VSNL1: variants seen among roughly 807,000 people sequenced by gnomAD.
The protein encoded by VSNL1 is visinin like 1, also known as visinin-like protein 1.
In VSNL1, 6 loss-of-function variants were observed where a neutral mutation model predicts 20.4. That is an observed-to-expected ratio of 0.29 (90% confidence interval 0.16 to 0.58). The LOEUF (loss-of-function observed/expected upper bound fraction) is 0.58. Among genes scored for constraint, VSNL1 ranks in the 20% least tolerant of loss-of-function variants. The pLI is 0.90. For synonymous variants in VSNL1, 93 were observed against 86.4 expected (o/e 1.08, Z -0.42); for missense variants, 100 against 234.5 (o/e 0.43, Z 3.75).
chr2:17,550,250 C>T (rs1430512517), intron 1 of VSNL1, among the ~76,000 whole-genome samples: 1 of 152,096 alleles, frequency 6.6e-6, no homozygotes, highest in Non-Finnish European at 1.5e-5. Context: ...TGTCTTCTCC[C>T]CACCCCTACT....
intron 1 of VSNL1, among the ~76,000 whole-genome samples, chr2:17,589,514 G>A (rs1448419506): frequency 2.0e-5 from 3 of 152,194 alleles, no homozygotes; most frequent in Non-Finnish European, 4.4e-5. Flanking sequence ...GAGGGCAGTG[G>A]CAATGCCATT....
chr2:17,627,711 A>C (rs1665543978), intron 2 of VSNL1, among the ~76,000 whole-genome samples: 1 of 152,208 alleles, frequency 6.6e-6, no homozygotes, highest in South Asian at 2.1e-4. Context: ...AGACATCTCA[A>C]AAAGCAGATC....
At chr2:17,650,088 A>G (rs952017426) in intron 3 of VSNL1, among the ~76,000 whole-genome samples, 99 of 152,136 alleles carry the variant, frequency 6.5e-4, no homozygotes, top group Admixed American at 6.5e-3. Context: ...CACGCCACCC[A>G]CTGCGTACTG....
intron 1 of VSNL1, among the ~76,000 whole-genome samples, chr2:17,582,474 C>T (rs537391695): frequency 6.6e-6 from 1 of 152,228 alleles, no homozygotes; most frequent in South Asian, 2.1e-4. Flanking sequence ...TATTGTACTA[C>T]TCAAAGTGAT....
At chr2:17,647,180 G>T (rs1347182659) in intron 2 of VSNL1, among the ~76,000 whole-genome samples, 2 of 152,090 alleles carry the variant, frequency 1.3e-5, no homozygotes, top group East Asian at 3.8e-4. Flanking sequence ...GACCCAAGGT[G>T]CCCAGTTATT....
chr2:17,607,753 TAAC>T (rs1407840428), intron 2 of VSNL1, among the ~76,000 whole-genome samples: 1 of 152,122 alleles, frequency 6.6e-6, no homozygotes, highest in African/African-American at 2.4e-5. Context: ...AATAATAAAT[TAAC>T]AAATGAATAA....
intron 2 of VSNL1, among the ~76,000 whole-genome samples, chr2:17,611,439 G>T (rs1665084088): frequency 6.6e-6 from 1 of 152,238 alleles, no homozygotes; most frequent in Admixed American, 6.5e-5. Context: ...GGGTGTCAGT[G>T]ATTATGCTGA....
At chr2:17,627,655 A>G (rs1665542843) in intron 2 of VSNL1, among the ~76,000 whole-genome samples, 1 of 152,206 alleles carries the variant, frequency 6.6e-6, no homozygotes, top group African/African-American at 2.4e-5. Context: ...ACTGGTTGGC[A>G]GGTCCAGGTG....
intron 2 of VSNL1, among the ~76,000 whole-genome samples, chr2:17,646,811 CAGG>C (rs1408131344): frequency 2.0e-5 from 3 of 152,136 alleles, no homozygotes; most frequent in African/African-American, 7.2e-5. Context: ...TGTTGTCCTC[CAGG>C]AGAAGTAAAT....
intron 2 of VSNL1, among the ~76,000 whole-genome samples, chr2:17,632,248 T>C (rs1421019287): frequency 6.6e-6 from 1 of 152,168 alleles, no homozygotes; most frequent in Non-Finnish European, 1.5e-5. Context: ...ACACATTGAA[T>C]CAATGAACTC....
intron 2 of VSNL1, among the ~76,000 whole-genome samples, chr2:17,612,196 G>T (rs1425892829): frequency 2.6e-5 from 4 of 152,146 alleles, no homozygotes; most frequent in South Asian, 2.1e-4. Flanking sequence ...TCTCTTTGCC[G>T]CATGGTCCTT....
chr2:17,609,976 A>G (rs1665046542), intron 2 of VSNL1, among the ~76,000 whole-genome samples: 1 of 152,152 alleles, frequency 6.6e-6, no homozygotes, highest in African/African-American at 2.4e-5. Context: ...GACTGTAACT[A>G]CTACTTTTGT....
At chr2:17,564,189 C>A (rs1354865841) in intron 1 of VSNL1, among the ~76,000 whole-genome samples, 1 of 152,086 alleles carries the variant, frequency 6.6e-6, no homozygotes, top group Admixed American at 6.5e-5. Flanking sequence ...ATTTTTTTCA[C>A]AAGTGTTGAT....
At chr2:17,604,419 A>G (rs1377469826) in intron 2 of VSNL1, among the ~76,000 whole-genome samples, 1 of 152,204 alleles carries the variant, frequency 6.6e-6, no homozygotes, top group Non-Finnish European at 1.5e-5. Context: ...TTGTGGTGTC[A>G]TCCCAGCCAG....
intron 2 of VSNL1, among the ~76,000 whole-genome samples, chr2:17,624,752 T>C (rs1384019138): frequency 6.6e-6 from 1 of 152,186 alleles, no homozygotes; most frequent in Non-Finnish European, 1.5e-5. Flanking sequence ...GCCAACACTT[T>C]GATGGTAACC....
Position 17,540,752 on chromosome 2 carries a change from G to T in VSNL1, c.-172G>T, listed in dbSNP as rs1663265497. 6.5e-6 allele frequency: 1 copy of T among 152,714 alleles called. No homozygotes were observed. Among genetic ancestry groups the T allele is most frequent in the Admixed American group, 6.5e-5 (1 of 15,282 alleles). 9.5% of individuals were successfully genotyped at this position (152,714 alleles called of 1,614,324 possible). On this transcript the variant is annotated 5_prime_UTR_variant, in exon 1 of 4. Coordinates refer to ENST00000295156, the MANE Select transcript of VSNL1 (RefSeq NM_003385.5). ...GCGGCAGCGGCTGGGCTTGCAAGGC[G>T]CGATCCAAGAGGGATTTAAGCAGCC...
intron 2 of VSNL1, among the ~76,000 whole-genome samples, chr2:17,627,594 A>G (rs1665541441): frequency 1.3e-5 from 2 of 152,140 alleles, no homozygotes; most frequent in Admixed American, 1.3e-4. Context: ...AGTCACAGGG[A>G]GTTGAAGCCG....
chr2:17,569,950 A>G (rs920450391), intron 1 of VSNL1, among the ~76,000 whole-genome samples: 1 of 152,238 alleles, frequency 6.6e-6, no homozygotes, highest in Non-Finnish European at 1.5e-5. Context: ...CTAGGTAAGC[A>G]TTCCAATTCA....
chr2:17,647,409 T>G (rs1051107476), intron 2 of VSNL1, among the ~76,000 whole-genome samples: 5 of 152,084 alleles, frequency 3.3e-5, no homozygotes, highest in Admixed American at 2.6e-4. Flanking sequence ...AGTTCACAGG[T>G]GCCAGCCCCA....
Sources: allele counts gnomAD v4.1 joint callset (sites outside exome capture counted in the v4.1 genomes callset), GRCh38; gene constraint gnomAD v4.1.1; transcripts MANE v1.5; gene names NCBI Gene and HGNC (gene_info 2026-07-23, HGNC 2026-07-21).